DCC: variants seen among roughly 807,000 people sequenced by gnomAD.
DCC encodes DCC netrin 1 receptor.
A neutral mutation model predicts 172.5 loss-of-function variants in DCC; 58 were observed. The ratio of observed to expected loss-of-function variants is 0.34; its 90% confidence interval spans 0.27 to 0.42. The LOEUF (loss-of-function observed/expected upper bound fraction) is 0.42. DCC is among the 10% of genes least tolerant of loss of function. The pLI is 1.00. For missense variants in DCC, 1,740 were observed against 1,791.0 expected (o/e 0.97, Z 0.51); for synonymous variants, 709 against 644.5 (o/e 1.10, Z -1.52).
intron 5 of DCC, among the ~76,000 whole-genome samples, chr18:53,028,989 A>G (rs895737243): frequency 1.3e-5 from 2 of 152,228 alleles, no homozygotes; most frequent in Non-Finnish European, 2.9e-5. Context: ...CATATGAGCC[A>G]TATTTTGTCT....
At position 52,482,636 on chromosome 18, in the gene DCC, C is replaced by A. The variant is rs183709582; in HGVS notation, c.91+141758C>A. ...CTAATTCCATTTATGAGGTTTCCACCTTGCACAATTTAGTGACCTCTCAAA... is the reference window on the plus strand; with the variant it reads ...CTAATTCCATTTATGAGGTTTCCACATTGCACAATTTAGTGACCTCTCAAA... On this transcript the variant is annotated intron_variant, in intron 1 of 28. Transcript: ENST00000442544. 1.1e-3 allele frequency among the ~76,000 whole-genome samples: 168 copies of A among 152,190 alleles called. 1 individual carries two copies. Among genetic ancestry groups the A allele is most frequent in the East Asian group, 1.4e-3 (7 of 5,168 alleles).
intron 12 of DCC, among the ~76,000 whole-genome samples, chr18:53,258,850 C>G (rs905839014): frequency 3.3e-5 from 5 of 152,102 alleles, no homozygotes; most frequent in African/African-American, 9.7e-5. Context: ...GTCTAAGTCT[C>G]TTTGTAGGTC....
chr18:53,237,997 C>T (rs768734102), intron 12 of DCC, among the ~76,000 whole-genome samples: 1 of 152,098 alleles, frequency 6.6e-6, no homozygotes, highest in East Asian at 1.9e-4. Flanking sequence ...TTGTTTGAAA[C>T]CTTTAAACCT....
At chr18:52,915,184 A>C (rs551244059) in intron 3 of DCC, among the ~76,000 whole-genome samples, 35 of 152,214 alleles carry the variant, frequency 2.3e-4, no homozygotes, top group African/African-American at 7.9e-4. Context: ...TTTCATGTTG[A>C]GGTTCCTAAA....
chr18:52,834,235 G>A (rs560067881), intron 2 of DCC, among the ~76,000 whole-genome samples: 95 of 151,806 alleles, frequency 6.3e-4, no homozygotes, highest in Non-Finnish European at 1.1e-3. Flanking sequence ...CTCTTTTTAG[G>A]AAGTAAAGTT....
intron 1 of DCC, among the ~76,000 whole-genome samples, chr18:52,700,296 C>CCA (rs34806717): frequency 2.5e-5 from 3 of 122,144 alleles, no homozygotes; most frequent in East Asian, 4.6e-4. Context: ...ACATGCACAT[C>CCA]CACACACACA....
chr18:52,548,711 A>C (rs1220633512), intron 1 of DCC, among the ~76,000 whole-genome samples: 1 of 152,138 alleles, frequency 6.6e-6, no homozygotes, highest in Non-Finnish European at 1.5e-5. Context: ...GATCCTGAGA[A>C]AGTGTTGGAT....
At chr18:52,463,094 C>G (rs1158579294) in intron 1 of DCC, among the ~76,000 whole-genome samples, 1 of 152,218 alleles carries the variant, frequency 6.6e-6, no homozygotes, top group Non-Finnish European at 1.5e-5. Flanking sequence ...GCTGCATTTA[C>G]TGGGTGTTAA....
intron 15 of DCC, among the ~76,000 whole-genome samples, chr18:53,379,451 A>G (rs1907553777): frequency 6.6e-6 from 1 of 152,248 alleles, no homozygotes; most frequent in Non-Finnish European, 1.5e-5. Flanking sequence ...CGCCAAGTAC[A>G]GCATCTTGGT....
intron 1 of DCC, among the ~76,000 whole-genome samples, chr18:52,600,835 CAAT>C (rs2034002202): frequency 1.3e-5 from 2 of 152,062 alleles, no homozygotes; most frequent in African/African-American, 4.8e-5. Context: ...CACTTACTAA[CAAT>C]AGCTTGAATA....
intron 5 of DCC, among the ~76,000 whole-genome samples, chr18:53,027,714 C>G (rs990851598): frequency 6.6e-6 from 1 of 152,052 alleles, no homozygotes; most frequent in Non-Finnish European, 1.5e-5. Flanking sequence ...CTCCTCCTTT[C>G]CTTTCTTTTA....
intron 1 of DCC, among the ~76,000 whole-genome samples, chr18:52,746,191 T>C (rs2036903376): frequency 6.6e-6 from 1 of 152,182 alleles, no homozygotes; most frequent in South Asian, 2.1e-4. Context: ...AAGAAGCAAA[T>C]GTGGTAGCAT....
In DCC at chr18:52,880,358, G is replaced by T. The variant is rs2039465724; in HGVS notation, c.413-25686G>T. On this transcript the variant is annotated intron_variant, in intron 2 of 28. Coordinates refer to ENST00000442544, the MANE Select transcript of DCC (RefSeq NM_005215.4). ...AGATGTGGTTTCACCATGTTGGCCA[G>T]GTTGGTCTGGAACTCCTGGCCTCAA... 2.0e-5 allele frequency among the ~76,000 whole-genome samples: 3 copies of T among 152,274 alleles called. No homozygotes were observed. In the South Asian group the frequency reaches 6.2e-4, roughly 32 times the overall value.
intron 7 of DCC, among the ~76,000 whole-genome samples, chr18:53,114,603 C>G (rs1464980943): frequency 6.6e-6 from 1 of 151,328 alleles, no homozygotes; most frequent in South Asian, 2.1e-4. Context: ...GTGTACATAC[C>G]AAGCCCATGA....
At chr18:52,530,348 G>A (rs942893348) in intron 1 of DCC, among the ~76,000 whole-genome samples, 1 of 152,160 alleles carries the variant, frequency 6.6e-6, no homozygotes, top group Non-Finnish European at 1.5e-5. Flanking sequence ...AAGAAAAACA[G>A]TAAGTTGGAG....
chr18:53,378,724 G>A (rs766697485), intron 15 of DCC, among the ~76,000 whole-genome samples: 1 of 152,092 alleles, frequency 6.6e-6, no homozygotes, highest in Non-Finnish European at 1.5e-5. Context: ...TTTCTTCCCG[G>A]TAATACACTT....
chr18:53,456,645 T>C (rs2045486507), intron 23 of DCC, among the ~76,000 whole-genome samples: 1 of 152,218 alleles, frequency 6.6e-6, no homozygotes, highest in South Asian at 2.1e-4. Flanking sequence ...TCAGTGGTTC[T>C]GCAGTGGGGC....
At position 53,487,764 on chromosome 18, in the gene DCC, G is replaced by T. The variant is rs542339740; in HGVS notation, c.3898+806G>T. Among the ~76,000 whole-genome samples, 242 of 152,250 alleles carry T rather than the reference G, an allele frequency of 1.6e-3. 1 individual carries two copies. The highest frequency in any genetic ancestry group is 2.8e-3 in the Non-Finnish European group (190 of 68,008). ...AAGGTTAGAATTAAAAGGCATCAAA[G>T]ATCTGCCAAGGGAGAATTAGATTTA... is the stretch of plus-strand genomic sequence containing the variant. On this transcript the variant is annotated intron_variant, in intron 26 of 28. Coordinates refer to ENST00000442544, the MANE Select transcript of DCC (RefSeq NM_005215.4).
At chr18:52,648,945 C>T (rs2035069211) in intron 1 of DCC, among the ~76,000 whole-genome samples, 1 of 152,180 alleles carries the variant, frequency 6.6e-6, no homozygotes, top group African/African-American at 2.4e-5. Context: ...GATTCTGTAT[C>T]TTTGCTAAGG....
Sources: gnomAD v4.1 joint callset for allele counts (sites outside exome capture counted in the v4.1 genomes callset) on GRCh38, gnomAD v4.1.1 for gene constraint, MANE v1.5 for transcripts, NCBI Gene and HGNC (gene_info 2026-07-23, HGNC 2026-07-21) for gene names.